ANK2: variants seen among roughly 807,000 people sequenced by gnomAD.
ANK2 encodes ankyrin 2.
A neutral mutation model predicts 360.5 loss-of-function variants in ANK2; 83 were observed. That is an observed-to-expected ratio of 0.23 (90% CI 0.19 to 0.28). The LOEUF is 0.28. ANK2 is among the 10% of genes least tolerant of loss of function. ANK2 has a pLI of 1.00. For missense variants in ANK2, 4,201 were observed against 4,795.7 expected, an observed-to-expected ratio of 0.88 and a Z score of 3.66; for synonymous variants, 1,740 against 1,759.5, an observed-to-expected ratio of 0.99 and a Z score of 0.28.
At chr4:113,157,350 A>G (rs1562489070) in intron 1 of ANK2, among the ~76,000 whole-genome samples, 1 of 152,208 alleles carries the variant, frequency 6.6e-6, no homozygotes, top group African/African-American at 2.4e-5. Context: ...CTGTTATAGA[A>G]ACAGAGGGAC....
chr4:112,902,473 G>A (rs2083755496), intron 1 of ANK2, among the ~76,000 whole-genome samples: 1 of 152,312 alleles, frequency 6.6e-6, no homozygotes, highest in Non-Finnish European at 1.5e-5. Context: ...TGATGCTATT[G>A]TCTGTATGCC....
intron 1 of ANK2, among the ~76,000 whole-genome samples, chr4:113,163,918 T>G (rs916513301): frequency 3.3e-5 from 5 of 152,022 alleles, no homozygotes; most frequent in African/African-American, 1.2e-4. Context: ...TTTCAGAACA[T>G]CTTTATCACT....
chr4:112,811,588 T>A, the ANK2 span, among the ~76,000 whole-genome samples: 1 of 152,206 alleles, frequency 6.6e-6, no homozygotes, highest in Non-Finnish European at 1.5e-5. Context: ...TTCTGTGTGC[T>A]AAGAACTCAG....
intron 16 of ANK2, 57 bp from the exon 17 acceptor site, chr4:113,278,403 C>T (rs2153700370): frequency 6.8e-7 from 1 of 1,468,744 alleles, no homozygotes; most frequent in Middle Eastern, 1.7e-4. Flanking sequence ...ATCCTGGTAG[C>T]TTCAGGGCAG....
chr4:112,759,602 AG>A, the ANK2 span, among the ~76,000 whole-genome samples: 1 of 152,168 alleles, frequency 6.6e-6, no homozygotes, highest in Non-Finnish European at 1.5e-5. Flanking sequence ...GTTGAGAGGT[AG>A]GGGGGTGAGT....
Position 113,287,625 on chromosome 4 carries a change from C to G in ANK2, c.2100C>G (p.His700Gln). 1.2e-6 allele frequency: 2 copies of G among 1,612,658 alleles called. No individual in the cohort carries two copies. Among genetic ancestry groups the G allele is most frequent in the Non-Finnish European group, 1.7e-6 (2 of 1,178,758 alleles). ...TGTAGAGTGGACTCACATCCTTACACCTTGCAGCCCAGGAAGATAAAGTGA... is the reference window on the plus strand; with the variant it reads ...TGTAGAGTGGACTCACATCCTTACAGCTTGCAGCCCAGGAAGATAAAGTGA... ...MSTKSGLTSL[H>Q]LAAQEDKVNV... The change falls in exon 19 of 46, where the codon CAC becomes CAG. Residue 700 changes from histidine (H) to glutamine (Q), a missense_variant. Physicochemically the swap from His to Gln is conservative, Grantham distance 24 (BLOSUM62 0). This residue lies in a region of ANK2 where 1,268 missense variants were observed against 1,650.8 expected (regional missense o/e 0.77). Transcript: ENST00000357077.
At chr4:113,217,522 T>C (rs1045797934) in intron 4 of ANK2, among the ~76,000 whole-genome samples, 3 of 152,214 alleles carry the variant, frequency 2.0e-5, no homozygotes, top group African/African-American at 7.2e-5. Flanking sequence ...ATTTTATCCA[T>C]GAGCAGCGGA....
chr4:112,889,392 T>A (rs1333293833), intron 1 of ANK2, among the ~76,000 whole-genome samples: 1 of 152,196 alleles, frequency 6.6e-6, no homozygotes, highest in Non-Finnish European at 1.5e-5. Context: ...CACTTATGGA[T>A]GTATGCTCTA....
chr4:112,985,847 G>A (rs990301753), intron 2 of ANK2, among the ~76,000 whole-genome samples: 1 of 151,898 alleles, frequency 6.6e-6, no homozygotes, highest in South Asian at 2.1e-4. Context: ...GGGTGAGATG[G>A]GGGTGAGGGA....
At chr4:113,015,825 A>T (rs1041910116) in intron 2 of ANK2, among the ~76,000 whole-genome samples, 2 of 152,214 alleles carry the variant, frequency 1.3e-5, no homozygotes, top group Admixed American at 6.5e-5. Flanking sequence ...AATTCAGCAT[A>T]AATTTAAGAG....
At chr4:112,968,659 A>G (rs2038267594) in intron 2 of ANK2, among the ~76,000 whole-genome samples, 2 of 152,092 alleles carry the variant, frequency 1.3e-5, no homozygotes, top group Admixed American at 1.3e-4. Flanking sequence ...CCATTATAAC[A>G]TTCACAGCAG....
intron 1 of ANK2, among the ~76,000 whole-genome samples, chr4:112,858,142 A>G (rs938484430): frequency 6.6e-6 from 1 of 152,170 alleles, no homozygotes; most frequent in Non-Finnish European, 1.5e-5. Context: ...AATTTAGTGC[A>G]TTAGTTAAAG....
At chr4:112,837,525 T>C in intron 1 of ANK2, among the ~76,000 whole-genome samples, 1 of 152,168 alleles carries the variant, frequency 6.6e-6, no homozygotes. Flanking sequence ...GAATGGTAGA[T>C]CCACCAACAG....
intron 2 of ANK2, among the ~76,000 whole-genome samples, chr4:112,947,722 A>G (rs1388534814): frequency 6.6e-6 from 1 of 152,168 alleles, no homozygotes; most frequent in African/African-American, 2.4e-5. Context: ...TTACTTAAAA[A>G]TATTTACTAC....
the ANK2 span, among the ~76,000 whole-genome samples, chr4:112,713,352 C>T: frequency 1.6e-4 from 25 of 152,070 alleles, no homozygotes; most frequent in African/African-American, 5.6e-4. Context: ...GGCAGATCAC[C>T]GGAGGTCGGG....
Position 113,356,333 on chromosome 4 carries a change from A to G in ANK2, c.7715A>G (p.Asp2572Gly). 1.2e-6 allele frequency: 2 copies of G among 1,614,160 alleles called. No homozygotes were observed. Among genetic ancestry groups the G allele is most frequent in the South Asian group, 1.1e-5 (1 of 91,082 alleles). The change falls in exon 38 of 46, where the codon GAT (aspartate) becomes GGT (glycine). Residue 2572 changes from aspartate (D) to glycine (G), a missense_variant. Physicochemically the swap from Asp to Gly is moderately conservative, Grantham distance 94. This residue lies in a region of ANK2 where 2,642 missense variants were observed against 2,714.5 expected (regional missense o/e 0.97). Coordinates refer to ENST00000357077, the MANE Select transcript of ANK2 (RefSeq NM_001148.6). The stretch of plus-strand genomic sequence containing the variant: ...GTGATTCATGAATGTGCAGAGGAGG[A>G]TGATTCAGAAAACGGGGAGAAAAAG... ...PAVIHECAEE[D>G]DSENGEKKRF...
intron 4 of ANK2, among the ~76,000 whole-genome samples, chr4:113,217,642 C>T (rs2099100523): frequency 6.6e-6 from 1 of 152,058 alleles, no homozygotes; most frequent in African/African-American, 2.4e-5. Context: ...GTTCGTGCAC[C>T]TGTGAGAATC....
intron 1 of ANK2, chr4:113,107,076 CTGG>C (rs1216796797): frequency 1.5e-5 from 5 of 336,134 alleles, no homozygotes; most frequent in Admixed American, 4.1e-5. Context: ...TGATTAAGGC[CTGG>C]TGTAAATCTT....
At chr4:113,242,703 C>T (rs2040647210) in intron 9 of ANK2, among the ~76,000 whole-genome samples, 2 of 152,154 alleles carry the variant, frequency 1.3e-5, no homozygotes, top group South Asian at 4.1e-4. Flanking sequence ...GAAAAGCATA[C>T]AGTTAGTATA....
Sources: gnomAD v4.1 joint callset for allele counts (sites outside exome capture counted in the v4.1 genomes callset) on GRCh38, gnomAD v4.1.1 for gene constraint, gnomAD v4.1.1 regional missense constraint, MANE v1.5 for transcripts, NCBI Gene and HGNC (gene_info 2026-07-23, HGNC 2026-07-21) for gene names.